Variants in FNIP2 observed in about 807,000 individuals in gnomAD.
The protein encoded by FNIP2 is folliculin interacting protein 2, also known as folliculin-interacting protein 2.
FNIP2 carries 32 observed loss-of-function variants against 108.7 expected under a neutral mutation model. That is an observed-to-expected ratio of 0.29 (90% CI 0.22 to 0.40). The LOEUF is 0.40. Ranked by LOEUF, FNIP2 falls within the 10% of genes least tolerant of loss-of-function variation. The pLI, the probability that FNIP2 is intolerant of heterozygous loss-of-function variation, is 1.00. For missense variants in FNIP2, 1,202 were observed against 1,381.6 expected (o/e 0.87, Z 2.06); for synonymous variants, 480 against 496.7 (o/e 0.97, Z 0.45).
Position 158,868,857 on chromosome 4 carries a change from C to T in FNIP2, c.2221C>T (p.Arg741Trp), listed in dbSNP as rs369829568. Residue 741 changes from arginine to tryptophan, a missense_variant, in exon 13 of 17, where the codon CGG becomes TGG. By Grantham distance (101) the Arg-to-Trp change is moderately radical. This residue lies in a region of FNIP2 where 878 missense variants were observed against 990.3 expected (regional missense o/e 0.89). Coordinates refer to ENST00000264433, the MANE Select transcript of FNIP2 (RefSeq NM_020840.3). This position sits in a 1 kb window ranked among gnomAD's most constrained non-coding sequence, Gnocchi z 4.6. ...AAGCCGCATGAAAAAAATGGAGGAACGGGTGAAGGCCTGTGGCCCCTCCTT... is the reference window on the plus strand; with the variant it reads ...AAGCCGCATGAAAAAAATGGAGGAATGGGTGAAGGCCTGTGGCCCCTCCTT... ...FESRMKKMEE[R>W]VKACGPSLEA... is the part of the protein sequence containing the mutation. 9.4e-5 allele frequency: 151 copies of T among 1,613,790 alleles called. No homozygotes were observed. Among genetic ancestry groups the T allele is most frequent in the East Asian group, 6.7e-5 (3 of 44,892 alleles).
chr4:158,833,696 A>T, intron 6 of FNIP2, 68 bp downstream of exon 6: 2 of 1,492,688 alleles, frequency 1.3e-6, no homozygotes, highest in Non-Finnish European at 9.3e-7. Context: ...GTTTTGCTTT[A>T]TTTGAGTTTG....
At chr4:158,805,881 G>C (rs1168758441) in intron 1 of FNIP2, among the ~76,000 whole-genome samples, 1 of 152,198 alleles carries the variant, frequency 6.6e-6, no homozygotes, top group African/African-American at 2.4e-5. Context: ...CCTGTTAAAT[G>C]TCTTTTCTTT....
At chr4:158,898,180 C>G (rs1782861486) in intron 16 of FNIP2, among the ~76,000 whole-genome samples, 1 of 152,116 alleles carries the variant, frequency 6.6e-6, no homozygotes, top group African/African-American at 2.4e-5. Flanking sequence ...GGCCTCAGTT[C>G]TGTTCCATTG....
Position 158,833,610 on chromosome 4 carries a change from C to T in FNIP2, c.637C>T (p.Arg213Cys), listed in dbSNP as rs369966656. ...NTNQNSLGPCRTGSNLAHSTP... is the reference protein window; with the variant it reads ...NTNQNSLGPCCTGSNLAHSTP... ...AAATCAAAATAGTTTGGGTCCTTGT[C>T]GTACTGGAAGTAACCTAGGTAAAAT... Residue 213 changes from arginine to cysteine, a missense_variant, in exon 6 of 17, where the codon CGT becomes TGT. This residue lies in a region of FNIP2 where 878 missense variants were observed against 990.3 expected (regional missense o/e 0.89). Transcript: ENST00000264433. 2.4e-5 allele frequency: 38 copies of T among 1,612,736 alleles called. No individual in the cohort carries two copies. Among genetic ancestry groups the T allele is most frequent in the African/African-American group, 1.1e-4 (8 of 74,920 alleles).
At chr4:158,776,751 G>T (rs4566610) in intron 1 of FNIP2, among the ~76,000 whole-genome samples, 5,659 of 152,270 alleles carry the variant, frequency 0.037, 124 homozygotes, top group South Asian at 0.083. Flanking sequence ...TGCTTTTAAT[G>T]CAGTGCTTGG....
At chr4:158,882,706 G>T (rs1231869311) in intron 14 of FNIP2, among the ~76,000 whole-genome samples, 1 of 152,140 alleles carries the variant, frequency 6.6e-6, no homozygotes, top group Non-Finnish European at 1.5e-5. Flanking sequence ...CCCCCAACCG[G>T]GTGCTCTCTG....
At chr4:158,851,490 G>C (rs555170625) in intron 8 of FNIP2, 40 bp downstream of exon 8, 1 of 1,605,818 alleles carries the variant, frequency 6.2e-7, no homozygotes, top group Admixed American at 1.7e-5. Context: ...AAGTAGGAGT[G>C]TAGGCAGCTT....
chr4:158,769,140 G>A lies in FNIP2; in HGVS notation c.-73G>A, dbSNP rs1490505718. On this transcript the variant is annotated 5_prime_UTR_variant, in exon 1 of 17. Coordinates refer to ENST00000264433, the MANE Select transcript of FNIP2 (RefSeq NM_020840.3). ...GCCGCCGCGATGGCCCCGCCACCGC[G>A]GCCGCCGCCCCCGGCTGCGCGCTGA... 1.5e-6 allele frequency: 1 copy of A among 678,038 alleles called. No homozygotes were observed. The highest frequency in any genetic ancestry group is 1.8e-6 in the Non-Finnish European group (1 of 550,974). 42.0% of individuals were successfully genotyped at this position (678,038 alleles called of 1,614,324 possible).
chr4:158,778,289 A>T (rs1056894385), intron 1 of FNIP2, among the ~76,000 whole-genome samples: 1 of 152,170 alleles, frequency 6.6e-6, no homozygotes, highest in Non-Finnish European at 1.5e-5. Context: ...TCTGCTGTCA[A>T]CCTCAGTCTG....
chr4:158,789,826 G>GCCTGTTAAGT (rs1553953807), intron 1 of FNIP2, among the ~76,000 whole-genome samples: 1 of 151,734 alleles, frequency 6.6e-6, no homozygotes, highest in Admixed American at 6.6e-5. Context: ...GGTTGTGGTA[G>GCCTGTTAAGT]CCTGGCAGTG....
chr4:158,816,439 A>C (rs1777571756), intron 1 of FNIP2, among the ~76,000 whole-genome samples: 1 of 152,166 alleles, frequency 6.6e-6, no homozygotes, highest in Non-Finnish European at 1.5e-5. Flanking sequence ...TCAGTAATCC[A>C]GGAATATAAT....
At chr4:158,841,110 G>A (rs1016573809) in intron 7 of FNIP2, among the ~76,000 whole-genome samples, 1 of 152,136 alleles carries the variant, frequency 6.6e-6, no homozygotes, top group East Asian at 1.9e-4. Flanking sequence ...CACACACCAA[G>A]AGGATATGAA....
At chr4:158,846,285 A>G (rs1779396688) in intron 7 of FNIP2, among the ~76,000 whole-genome samples, 1 of 152,220 alleles carries the variant, frequency 6.6e-6, no homozygotes, top group African/African-American at 2.4e-5. Context: ...ATGGATTAAT[A>G]TTAACAGTGC....
chr4:158,792,461 A>G (rs2126455625), intron 1 of FNIP2, among the ~76,000 whole-genome samples: 1 of 152,004 alleles, frequency 6.6e-6, no homozygotes, highest in East Asian at 1.9e-4. Context: ...TCCTACTGTA[A>G]GAAGCTGTGA....
At chr4:158,862,561 G>A (rs1780356101) in intron 12 of FNIP2, among the ~76,000 whole-genome samples, 1 of 152,202 alleles carries the variant, frequency 6.6e-6, no homozygotes, top group Non-Finnish European at 1.5e-5. Flanking sequence ...TGGATAGGAG[G>A]AATAAAGTCT....
chr4:158,891,406 C>T (rs1393811643), intron 14 of FNIP2, 40 bp from the exon 15 acceptor site: 1 of 1,547,118 alleles, frequency 6.5e-7, no homozygotes, highest in Non-Finnish European at 8.8e-7. Flanking sequence ...TTTGGACTCA[C>T]CTGGATAAAT....
chr4:158,774,224 A>G (rs1341673505), intron 1 of FNIP2, among the ~76,000 whole-genome samples: 1 of 152,140 alleles, frequency 6.6e-6, no homozygotes, highest in African/African-American at 2.4e-5. Flanking sequence ...GGCCAGCAAC[A>G]CTCTACACCA....
intron 14 of FNIP2, among the ~76,000 whole-genome samples, chr4:158,883,392 C>T (rs1047455651): frequency 1.3e-5 from 2 of 152,152 alleles, no homozygotes; most frequent in Admixed American, 1.3e-4. Context: ...CAGGCGCCCG[C>T]CACTATGCCC....
At chr4:158,861,565 T>A (rs1780299588) in intron 11 of FNIP2, 42 bp from the exon 12 acceptor site, 1 of 1,613,772 alleles carries the variant, frequency 6.2e-7, no homozygotes, top group South Asian at 1.1e-5. Context: ...TGCCTCTTTC[T>A]GTATTGACTA....
Sources: gnomAD v4.1 joint callset for allele counts (sites outside exome capture counted in the v4.1 genomes callset) on GRCh38, gnomAD v4.1.1 for gene constraint, gnomAD v4.1.1 regional missense constraint, Gnocchi (gnomAD v3.1) non-coding constraint, MANE v1.5 for transcripts, NCBI Gene and HGNC (gene_info 2026-07-23, HGNC 2026-07-21) for gene names.